The following SMCO2 variants were observed in gnomAD, a reference collection of about 807,000 sequenced individuals.
SMCO2 encodes single-pass membrane protein with coiled-coil domains 2, also known as single-pass membrane and coiled-coil domain-containing protein 2.
A neutral mutation model predicts 29.5 loss-of-function variants in SMCO2; 25 were observed. That is an observed-to-expected ratio of 0.85 (90% CI 0.62 to 1.18). The LOEUF is 1.18. Among genes scored for constraint, SMCO2 ranks in the 50% most tolerant of loss-of-function variants. The pLI is 0.00. For missense variants in SMCO2, 348 were observed against 344.5 expected, an observed-to-expected ratio of 1.01 and a Z score of -0.08; for synonymous variants, 117 against 123.3, an observed-to-expected ratio of 0.95 and a Z score of 0.34.
chr12:27,429,942 C>G, the SMCO2 span, among the ~76,000 whole-genome samples: 1 of 152,164 alleles, frequency 6.6e-6, no homozygotes, highest in Non-Finnish European at 1.5e-5. Context: ...ACCCCAAGAT[C>G]AAATAAACAC....
At chr12:27,479,777 A>G (rs617373) in intron 4 of SMCO2, among the ~76,000 whole-genome samples, 18,314 of 152,174 alleles carry the variant, frequency 0.12, 2,129 homozygotes, top group African/African-American at 0.28. Context: ...CATGTAAGAC[A>G]TCCCTTTGCT....
At chr12:27,482,099 T>A (rs1949648906) in intron 4 of SMCO2, among the ~76,000 whole-genome samples, 1 of 152,136 alleles carries the variant, frequency 6.6e-6, no homozygotes, top group African/African-American at 2.4e-5. Context: ...CTTTAGGTCA[T>A]TGATTTGAGA....
chr12:27,487,753 C>CTTT (rs143131425), intron 4 of SMCO2, among the ~76,000 whole-genome samples: 112 of 129,466 alleles, frequency 8.7e-4, no homozygotes, highest in African/African-American at 2.9e-3. Context: ...TCTTTTCTTT[C>CTTT]TTTTTTTTTT....
chr12:27,434,633 A>T, the SMCO2 span, among the ~76,000 whole-genome samples: 7 of 152,318 alleles, frequency 4.6e-5, no homozygotes, highest in East Asian at 1.3e-3. Context: ...CTGGATTTAG[A>T]CAATTAGTTT....
chr12:27,492,030 A>G (rs1411440232), intron 5 of SMCO2, among the ~76,000 whole-genome samples: 1 of 152,160 alleles, frequency 6.6e-6, no homozygotes, highest in Admixed American at 6.5e-5. Context: ...TTAACAATTA[A>G]AACATTATGA....
the SMCO2 span, among the ~76,000 whole-genome samples, chr12:27,438,630 A>T: frequency 6.6e-6 from 1 of 152,204 alleles, no homozygotes; most frequent in African/African-American, 2.4e-5. Context: ...TACATTAGTC[A>T]TTCATTCAAC....
At chr12:27,481,811 T>C (rs1318324458) in intron 4 of SMCO2, among the ~76,000 whole-genome samples, 1 of 152,220 alleles carries the variant, frequency 6.6e-6, no homozygotes, top group African/African-American at 2.4e-5. Flanking sequence ...TCCCTTATTA[T>C]ATGATGTCTT....
At chr12:27,454,682 C>T in the SMCO2 span, among the ~76,000 whole-genome samples, 98 of 152,284 alleles carry the variant, frequency 6.4e-4, 1 homozygote, top group Non-Finnish European at 1.1e-3. Flanking sequence ...GCCATCAACC[C>T]GTCATCTACA....
intron 1 of SMCO2, among the ~76,000 whole-genome samples, chr12:27,470,389 T>G (rs1949530978): frequency 6.6e-6 from 1 of 152,178 alleles, no homozygotes; most frequent in African/African-American, 2.4e-5. Flanking sequence ...AAAGCGCACA[T>G]TTACCAGCCA....
chr12:27,472,546 G>C (rs1479490485), intron 2 of SMCO2, among the ~76,000 whole-genome samples: 1 of 152,136 alleles, frequency 6.6e-6, no homozygotes, highest in Non-Finnish European at 1.5e-5. Flanking sequence ...GAATCTCACT[G>C]TTAATTTATG....
At chr12:27,435,013 G>GGTTCCC in the SMCO2 span, among the ~76,000 whole-genome samples, 2 of 152,128 alleles carry the variant, frequency 1.3e-5, no homozygotes, top group South Asian at 4.2e-4. Flanking sequence ...TCATAGCAGG[G>GGTTCCC]TAAACTGTGC....
At chr12:27,495,737 G>T (rs1942991985) in exon 7 of SMCO2, 1 of 1,537,346 alleles carries the variant, frequency 6.5e-7, no homozygotes, top group Non-Finnish European at 8.8e-7. Context: ...TCAAATGGAG[G>T]CAGAGGACAC....
chr12:27,493,612 A>G (rs546907633), intron 5 of SMCO2, among the ~76,000 whole-genome samples: 1 of 152,296 alleles, frequency 6.6e-6, no homozygotes. Flanking sequence ...TTTTCCTGCT[A>G]TATCTCTGCT....
At chr12:27,453,512 C>A in the SMCO2 span, among the ~76,000 whole-genome samples, 2 of 152,220 alleles carry the variant, frequency 1.3e-5, no homozygotes, top group Admixed American at 6.5e-5. Flanking sequence ...CTGACCCTGG[C>A]AGCTCCCCAC....
intron 3 of SMCO2, among the ~76,000 whole-genome samples, chr12:27,474,551 C>T (rs1368079211): frequency 6.6e-6 from 1 of 152,134 alleles, no homozygotes; most frequent in Non-Finnish European, 1.5e-5. Context: ...CTCATCAGGA[C>T]TGAAAAGAGC....
chr12:27,436,292 C>CA, the SMCO2 span, among the ~76,000 whole-genome samples: 1 of 152,178 alleles, frequency 6.6e-6, no homozygotes, highest in Non-Finnish European at 1.5e-5. Flanking sequence ...GTATTAACAA[C>CA]ACAAAGGTTG....
intron 5 of SMCO2, among the ~76,000 whole-genome samples, chr12:27,492,343 C>T (rs1015816844): frequency 2.0e-5 from 3 of 151,916 alleles, no homozygotes; most frequent in East Asian, 1.9e-4. Context: ...CAATGTTTGC[C>T]GTTACAAACT....
chr12:27,433,504 T>TACAC, the SMCO2 span, among the ~76,000 whole-genome samples: 4 of 83,820 alleles, frequency 4.8e-5, 1 homozygote, highest in African/African-American at 2.1e-4. Context: ...TGCAGATGTG[T>TACAC]ATACACACAC....
chr12:27,457,669 C>A, the SMCO2 span, among the ~76,000 whole-genome samples: 1 of 152,238 alleles, frequency 6.6e-6, no homozygotes, highest in Non-Finnish European at 1.5e-5. Flanking sequence ...CAGCCAAAAG[C>A]ATGTCAATGC....
Sources: allele counts gnomAD v4.1 joint callset (sites outside exome capture counted in the v4.1 genomes callset), GRCh38; gene constraint gnomAD v4.1.1; transcripts MANE v1.5; gene names NCBI Gene and HGNC (gene_info 2026-07-23, HGNC 2026-07-21).